The following SLC35D4 variants were observed in gnomAD, a reference collection of about 807,000 sequenced individuals.
SLC35D4 encodes UDP-N-acetylglucosamine transporter SLC35D4.
chr18:23,382,223 G>T, the SLC35D4 span, among the ~76,000 whole-genome samples: 1 of 139,824 alleles, frequency 7.2e-6, no homozygotes, highest in Non-Finnish European at 1.5e-5. Flanking sequence ...CCAGGTGACA[G>T]TGTGAGACTC....
chr18:23,282,891 C>A, the SLC35D4 span, among the ~76,000 whole-genome samples: 3 of 151,978 alleles, frequency 2.0e-5, no homozygotes, highest in Non-Finnish European at 4.4e-5. Flanking sequence ...ATAGGGGGCA[C>A]CTGCACTGTG....
the SLC35D4 span, among the ~76,000 whole-genome samples, chr18:23,325,850 C>T: frequency 1.3e-5 from 2 of 152,214 alleles, no homozygotes; most frequent in Non-Finnish European, 2.9e-5. Context: ...CGTGTGGGTA[C>T]AGCCAGGAGC....
chr18:23,378,035 AT>A, the SLC35D4 span, among the ~76,000 whole-genome samples: 2 of 151,594 alleles, frequency 1.3e-5, no homozygotes, highest in Non-Finnish European at 2.9e-5. Context: ...CTATCTATCC[AT>A]TTATCTATCT....
At chr18:23,429,183 G>T in the SLC35D4 span, among the ~76,000 whole-genome samples, 855 of 152,246 alleles carry the variant, frequency 5.6e-3, 11 homozygotes, top group African/African-American at 0.02. Context: ...TTTGGTAGAA[G>T]AATTTATTTT....
the SLC35D4 span, chr18:23,253,804 C>T: frequency 1.2e-6 from 2 of 1,614,224 alleles, no homozygotes; most frequent in South Asian, 1.1e-5. Context: ...TGGCCTTCGT[C>T]TACTTTGAAA....
At chr18:23,267,010 A>G in the SLC35D4 span, among the ~76,000 whole-genome samples, 2 of 122,692 alleles carry the variant, frequency 1.6e-5, no homozygotes, top group Non-Finnish European at 4.0e-5. Context: ...CATCCGACCA[A>G]CAGACCACAG....
chr18:23,301,931 C>T, the SLC35D4 span, among the ~76,000 whole-genome samples: 27,711 of 152,188 alleles, frequency 0.18, 2,715 homozygotes, highest in Admixed American at 0.3. Flanking sequence ...AGATTGTTTT[C>T]ATAATAATTG....
chr18:23,312,391 C>T, the SLC35D4 span, among the ~76,000 whole-genome samples: 1 of 152,164 alleles, frequency 6.6e-6, no homozygotes, highest in Non-Finnish European at 1.5e-5. Context: ...GCAGCCACTC[C>T]GGTGCCTTCG....
chr18:23,432,535 G>A, the SLC35D4 span, among the ~76,000 whole-genome samples: 1 of 152,016 alleles, frequency 6.6e-6, no homozygotes, highest in Non-Finnish European at 1.5e-5. Context: ...ACAAAAATTA[G>A]CCGGGCGTGG....
the SLC35D4 span, among the ~76,000 whole-genome samples, chr18:23,278,048 G>C: frequency 2.0e-5 from 3 of 152,304 alleles, no homozygotes; most frequent in African/African-American, 7.2e-5. Flanking sequence ...TCCAAGCAGT[G>C]GGGGAATGGC....
At chr18:23,416,005 C>T in the SLC35D4 span, among the ~76,000 whole-genome samples, 4 of 151,986 alleles carry the variant, frequency 2.6e-5, no homozygotes, top group Non-Finnish European at 4.4e-5. Context: ...GTCAGGAGTT[C>T]GAGACCAGCC....
At chr18:23,262,097 G>T in the SLC35D4 span, among the ~76,000 whole-genome samples, 3 of 152,156 alleles carry the variant, frequency 2.0e-5, no homozygotes, top group Non-Finnish European at 4.4e-5. Flanking sequence ...ACATAAAACT[G>T]TCTAGGAAAG....
chr18:23,238,829 G>A, the SLC35D4 span, among the ~76,000 whole-genome samples: 5 of 152,192 alleles, frequency 3.3e-5, no homozygotes, highest in African/African-American at 7.2e-5. Context: ...CTGTTTTCAC[G>A]TTGCCCAGCT....
chr18:23,328,870 A>T, the SLC35D4 span, among the ~76,000 whole-genome samples: 1 of 152,172 alleles, frequency 6.6e-6, no homozygotes, highest in Non-Finnish European at 1.5e-5. Flanking sequence ...ATAGACCAAT[A>T]GAACAGGACA....
the SLC35D4 span, among the ~76,000 whole-genome samples, chr18:23,251,324 G>A: frequency 1.2e-4 from 18 of 152,188 alleles, no homozygotes; most frequent in African/African-American, 4.3e-4. Flanking sequence ...GGTGGCACAT[G>A]CCTGTAGTTC....
the SLC35D4 span, among the ~76,000 whole-genome samples, chr18:23,418,560 G>C: frequency 3.3e-5 from 5 of 151,488 alleles, no homozygotes; most frequent in East Asian, 9.8e-4. Flanking sequence ...ATGTTGGCCA[G>C]GCTGGTCACC....
the SLC35D4 span, among the ~76,000 whole-genome samples, chr18:23,310,694 G>C: frequency 6.6e-6 from 1 of 152,016 alleles, no homozygotes; most frequent in Non-Finnish European, 1.5e-5. Context: ...TCCAAGCTGG[G>C]AGCAAGGCAG....
the SLC35D4 span, among the ~76,000 whole-genome samples, chr18:23,340,269 TGAG>T: frequency 6.6e-6 from 1 of 151,912 alleles, no homozygotes; most frequent in Admixed American, 6.6e-5. Context: ...GCCAGGAGTT[TGAG>T]GATACAGTTG....
At chr18:23,415,182 T>C in the SLC35D4 span, among the ~76,000 whole-genome samples, 2 of 152,204 alleles carry the variant, frequency 1.3e-5, no homozygotes, top group African/African-American at 4.8e-5. Context: ...TAACTGTTCA[T>C]TTCTTTATAA....
Sources: allele counts gnomAD v4.1 joint callset (sites outside exome capture counted in the v4.1 genomes callset), GRCh38; gene constraint gnomAD v4.1.1; transcripts MANE v1.5; gene names NCBI Gene and HGNC (gene_info 2026-07-23, HGNC 2026-07-21).